Variants in EPHB4 observed in about 807,000 individuals in gnomAD.
EPHB4 encodes the protein ephrin type-B receptor 4.
Under a neutral mutation model 110.6 loss-of-function variants are expected in EPHB4, and 50 were observed. That is an observed-to-expected ratio of 0.45 (90% CI 0.36 to 0.57). The LOEUF is 0.57. Ranked by LOEUF, EPHB4 falls within the 20% of genes least tolerant of loss-of-function variation. The pLI, the probability that EPHB4 is intolerant of heterozygous loss-of-function variation, is 0.00. For missense variants in EPHB4, 1,128 were observed against 1,382.1 expected (o/e 0.82, Z 2.91); for synonymous variants, 592 against 578.4 (o/e 1.02, Z -0.34).
chr7:100,826,349 G>C (rs1354838209), intron 1 of EPHB4, among the ~76,000 whole-genome samples: 2 of 152,124 alleles, frequency 1.3e-5, no homozygotes, highest in Non-Finnish European at 2.9e-5. Context: ...GACTCACCTG[G>C]GGCCGGGGTC....
At chr7:100,826,619 G>T (rs1020673123) in intron 1 of EPHB4, among the ~76,000 whole-genome samples, 1 of 152,048 alleles carries the variant, frequency 6.6e-6, no homozygotes, top group African/African-American at 2.4e-5. Context: ...CCTCATGTAC[G>T]GCGGGAGGTG....
chr7:100,810,571 C>T (rs1350929371), intron 12 of EPHB4, among the ~76,000 whole-genome samples: 1 of 151,260 alleles, frequency 6.6e-6, no homozygotes, highest in African/African-American at 2.4e-5. Context: ...GCGAGACCCC[C>T]ATCTCCGTAA....
At chr7:100,816,685 A>G (rs1813075743) in intron 8 of EPHB4, among the ~76,000 whole-genome samples, 1 of 151,830 alleles carries the variant, frequency 6.6e-6, no homozygotes, top group Admixed American at 6.6e-5. Flanking sequence ...GTACAGAGTG[A>G]AGCAGGCCAG....
At chr7:100,826,591 G>A (rs1813403020) in intron 1 of EPHB4, among the ~76,000 whole-genome samples, 1 of 152,090 alleles carries the variant, frequency 6.6e-6, no homozygotes. Context: ...GTCTGCTGTT[G>A]CTTCTCCAGA....
At chr7:100,821,124 T>A (rs769419932) in intron 4 of EPHB4, 1 of 149,322 alleles carries the variant, frequency 6.7e-6, no homozygotes, top group Non-Finnish European at 1.5e-5. Context: ...CGAAACTCCT[T>A]CTTGTTGGAG....
At chr7:100,816,766 T>C (rs1260630538) in intron 8 of EPHB4, among the ~76,000 whole-genome samples, 1 of 151,962 alleles carries the variant, frequency 6.6e-6, no homozygotes, top group African/African-American at 2.4e-5. Context: ...GCATGCCATG[T>C]GATCCACAGG....
chr7:100,819,848 C>T lies in EPHB4; in HGVS notation c.1006G>A (p.Gly336Ser), dbSNP rs536925945. 17 of 1,552,784 alleles carry T rather than the reference C, an allele frequency of 1.1e-5. No homozygotes were observed. The highest frequency in any genetic ancestry group is 1.4e-5 in the African/African-American group (1 of 73,192). Residue 336 changes from glycine (G) to serine (S), a missense_variant, in exon 6 of 17, where the codon GGC becomes AGC. Gly to Ser is a moderately conservative substitution (Grantham distance 56). Around this residue, in one of 3 missense-constraint regions of EPHB4, gnomAD observed 728 missense variants for 828.6 expected, o/e 0.88. Transcript: ENST00000358173. ...CTCCATTCCAGGTGCAGGGAGGAGC[C>T]GTTCAGGCGGGAAACCACGCTCCGC... ...APRSVVSRLNGSSLHLEWSAP... is the reference protein window; with the variant it reads ...APRSVVSRLNSSSLHLEWSAP...
intron 3 of EPHB4, 152 bp downstream of exon 3, chr7:100,823,492 C>T: frequency 3.7e-6 from 4 of 1,067,962 alleles, no homozygotes; most frequent in Admixed American, 2.8e-5. Context: ...CAGAAGATCA[C>T]CCCCTTCCCT....
rs529072923 is a variant in EPHB4 at position 100,810,308 on chromosome 7, A to G, written c.2118+2439T>C. 2.8e-4 allele frequency among the ~76,000 whole-genome samples: 42 copies of G among 152,266 alleles called. No individual in the cohort carries two copies. In the South Asian group the frequency reaches 7.1e-3, roughly 26 times the overall value. On this transcript the variant is annotated intron_variant, in intron 12 of 16. Transcript: ENST00000358173. ...TCAGATAGAGCTTCTCTTACAGGAA[A>G]TACAGAGAGACAAGCTAAATGATCC...
At chr7:100,812,701 T>TA in intron 12 of EPHB4, 46 bp downstream of exon 12, 1 of 1,585,098 alleles carries the variant, frequency 6.3e-7, no homozygotes, top group Non-Finnish European at 8.6e-7. Context: ...CCTCTGGGTG[T>TA]AAGTGGGAAC....
Position 100,827,082 on chromosome 7 carries a change from C to T in EPHB4, c.-52G>A, listed in dbSNP as rs753554861. ...GAACTGAGTTTGGGGGGCCCTCGCC[C>T]CCCCAGGTCTGACTCTCCCTGGGCG... On this transcript the variant is annotated 5_prime_UTR_variant, in exon 1 of 17. Transcript: ENST00000358173. 1 of 1,544,748 alleles carries T rather than the reference C, an allele frequency of 6.5e-7. No homozygotes were observed. The highest frequency in any genetic ancestry group is 8.7e-7 in the Non-Finnish European group (1 of 1,142,976).
chr7:100,804,661 A>G (rs1270573377), intron 16 of EPHB4, among the ~76,000 whole-genome samples: 1 of 151,990 alleles, frequency 6.6e-6, no homozygotes, highest in East Asian at 1.9e-4. Flanking sequence ...CTGGGGTGAG[A>G]GGAGATCTTG....
chr7:100,816,653 G>A (rs1051386945), intron 8 of EPHB4, among the ~76,000 whole-genome samples: 5 of 152,124 alleles, frequency 3.3e-5, no homozygotes, highest in African/African-American at 9.7e-5. Context: ...CTTTGATCGA[G>A]CAACTGCGCT....
At chr7:100,804,308 CTTTTTTTTTTTTTT>C (rs11338293) in intron 16 of EPHB4, among the ~76,000 whole-genome samples, 2 of 71,568 alleles carry the variant, frequency 2.8e-5, no homozygotes, top group African/African-American at 5.3e-5. Context: ...CTTCACATTT[CTTTTTTTTTTTTTT>C]TTTTTTTTTT....
At chr7:100,820,074 G>T in intron 5 of EPHB4, 67 bp downstream of exon 5, 1 of 1,571,806 alleles carries the variant, frequency 6.4e-7, no homozygotes, top group Non-Finnish European at 8.6e-7. Flanking sequence ...TGGGGGCCAT[G>T]TGAGGGTCCA....
chr7:100,824,460 C>T, intron 1 of EPHB4, 187 bp from the exon 2 acceptor site: 1 of 610,618 alleles, frequency 1.6e-6, no homozygotes, highest in Non-Finnish European at 2.9e-6. Context: ...TAAGTGCCAA[C>T]CCCACCCCCA....
chr7:100,803,328 C>T lies in EPHB4; in HGVS notation c.*133G>A. 1 of 1,147,360 alleles carries T rather than the reference C, an allele frequency of 8.7e-7. No individual in the cohort carries two copies. Among genetic ancestry groups the T allele is most frequent in the Non-Finnish European group, 1.1e-6 (1 of 871,314 alleles). The allele number at this position is 1,147,360 out of a possible 1,614,324, so 71.1% of individuals were successfully genotyped here. The stretch of plus-strand genomic sequence containing the variant: ...GCAGAACCCCCAAATCCTGTCTCTC[C>T]AAATTGCCAACTCCTCACCCCACGG... On this transcript the variant is annotated 3_prime_UTR_variant, in exon 17 of 17. Coordinates refer to ENST00000358173, the MANE Select transcript of EPHB4 (RefSeq NM_004444.5).
chr7:100,804,590 C>T (rs1429648591), intron 16 of EPHB4, among the ~76,000 whole-genome samples: 2 of 152,190 alleles, frequency 1.3e-5, no homozygotes, highest in Non-Finnish European at 2.9e-5. Context: ...GCTGGCATTA[C>T]AGGCATGAGC....
chr7:100,805,215 C>A lies in EPHB4; in HGVS notation c.2785G>T (p.Ala929Ser), dbSNP rs774821339. Residue 929 changes from alanine (A) to serine (S), a missense_variant, in exon 16 of 17, where the codon GCA becomes TCA. Ala to Ser is a moderately conservative substitution (Grantham distance 99). Transcript: ENST00000358173. ...IKMGRYEESF[A>S]AAGFGSFELV... ...TCGAAGGAGCCAAAGCCAGCGGCTG[C>A]GAAACTTTCTTCGTATCTTCCCATT... 2 of 1,613,012 alleles carry A rather than the reference C, an allele frequency of 1.2e-6. No homozygotes were observed. The highest frequency in any genetic ancestry group is 1.7e-6 in the Non-Finnish European group (2 of 1,179,664).
Sources: allele counts gnomAD v4.1 joint callset (sites outside exome capture counted in the v4.1 genomes callset), GRCh38; gene constraint gnomAD v4.1.1; regional missense constraint gnomAD v4.1.1; transcripts MANE v1.5; gene names NCBI Gene and HGNC (gene_info 2026-07-23, HGNC 2026-07-21).